The following TGFBRAP1 variants were observed in gnomAD, a reference collection of about 807,000 sequenced individuals.
TGFBRAP1 encodes transforming growth factor-beta receptor-associated protein 1.
A neutral mutation model predicts 83.2 loss-of-function variants in TGFBRAP1; 20 were observed. The ratio of observed to expected loss-of-function variants is 0.24; its 90% confidence interval spans 0.17 to 0.35. The LOEUF (loss-of-function observed/expected upper bound fraction) is 0.35, where lower values mean the gene tolerates loss of function less well. Among genes scored for constraint, TGFBRAP1 ranks in the 10% least tolerant of loss-of-function variants. TGFBRAP1 has a pLI of 1.00. For synonymous variants in TGFBRAP1, 415 were observed against 459.8 expected, an observed-to-expected ratio of 0.90 and a Z score of 1.25; for missense variants, 950 against 1,099.4, an observed-to-expected ratio of 0.86 and a Z score of 1.92.
intron 4 of TGFBRAP1, among the ~76,000 whole-genome samples, chr2:105,292,662 G>GGGGGAGAGGGAGAAGGAA (rs1677952263): frequency 6.6e-6 from 1 of 151,828 alleles, no homozygotes; most frequent in South Asian, 2.1e-4. Flanking sequence ...GGGAGAAGGA[G>GGGGGAGAGGGAGAAGGAA]GGAGAGAGAG....
intron 1 of TGFBRAP1, among the ~76,000 whole-genome samples, chr2:105,313,896 C>T (rs182245923): frequency 6.6e-6 from 1 of 151,876 alleles, no homozygotes; most frequent in Non-Finnish European, 1.5e-5. Flanking sequence ...CCTTTTGAAA[C>T]AAGGAACAAG....
chr2:105,251,528 C>A, the TGFBRAP1 span, among the ~76,000 whole-genome samples: 1 of 145,974 alleles, frequency 6.9e-6, no homozygotes, highest in East Asian at 2.1e-4. Flanking sequence ...GGGGGGGGAT[C>A]AGCCCCCCGC....
intron 6 of TGFBRAP1, among the ~76,000 whole-genome samples, chr2:105,277,948 A>T (rs572838056): frequency 6.6e-4 from 101 of 152,318 alleles, no homozygotes; most frequent in African/African-American, 2.4e-3. Flanking sequence ...AGTCCCAGAT[A>T]CTTGGGGTGC....
In TGFBRAP1 at chr2:105,307,839, C is replaced by T. The variant is rs1678560920; in HGVS notation, c.463G>A (p.Glu155Lys). ...TCCTTGACGATCTGCACCCGGTCCTCGTACACCAGAAACATCTGGATGGTT... is the reference window on the plus strand; with the variant it reads ...TCCTTGACGATCTGCACCCGGTCCTTGTACACCAGAAACATCTGGATGGTT... ...RRTIQMFLVY[E>K]DRVQIVKEVS... Residue 155 changes from glutamate (E) to lysine (K), a missense_variant, in exon 2 of 12, where the codon GAG (glutamate) becomes AAG (lysine). By Grantham distance (56) the Glu-to-Lys change is moderately conservative (BLOSUM62 1). Coordinates refer to ENST00000393359, the MANE Select transcript of TGFBRAP1 (RefSeq NM_004257.6). The T allele has an allele frequency of 1.2e-6, 2 of 1,614,090 alleles. No individual in the cohort carries two copies. The highest frequency in any genetic ancestry group is 1.7e-5 in the Admixed American group (1 of 60,006).
rs776532746 is a variant in TGFBRAP1 at position 105,307,859 on chromosome 2, A to G, written c.443T>C (p.Ile148Thr). The G allele has an allele frequency of 6.2e-7, 1 of 1,614,174 alleles. No homozygotes were observed. The highest frequency in any genetic ancestry group is 8.5e-7 in the Non-Finnish European group (1 of 1,180,026). ...VCIISVKRRTIQMFLVYEDRV... is the reference protein window; with the variant it reads ...VCIISVKRRTTQMFLVYEDRV... ...GTCCTCGTACACCAGAAACATCTGG[A>G]TGGTTCTGCGTTTGACAGAGATGAT... The change falls in exon 2 of 12, where the codon ATC (isoleucine) becomes ACC (threonine). Residue 148 changes from isoleucine to threonine, a missense_variant. Ile to Thr is a moderately conservative substitution (Grantham distance 89, BLOSUM62 -1). Coordinates refer to ENST00000393359, the MANE Select transcript of TGFBRAP1 (RefSeq NM_004257.6).
Position 105,270,469 on chromosome 2 carries a change from A to G in TGFBRAP1, c.1973-764T>C, listed in dbSNP as rs562268284. On this transcript the variant is annotated intron_variant, in intron 10 of 11. Transcript: ENST00000393359. ...ACCAGCCCTTATCTGCATTGCAATT[A>G]AACTCTGAGTCTCTAAGGACCAGAA... Among the ~76,000 whole-genome samples the G allele has an allele frequency of 6.6e-5, 10 of 152,332 alleles. No homozygotes were observed. The South Asian group carries it at 1.2e-3, about 19-fold the overall frequency.
intron 1 of TGFBRAP1, among the ~76,000 whole-genome samples, chr2:105,311,488 G>A (rs940349014): frequency 2.2e-4 from 34 of 152,158 alleles, no homozygotes; most frequent in African/African-American, 8.2e-4. Flanking sequence ...AGGAGGCTGA[G>A]GTAGGAGGGT....
intron 4 of TGFBRAP1, 60 bp downstream of exon 4, chr2:105,296,296 T>C: frequency 6.3e-7 from 1 of 1,598,784 alleles, no homozygotes; most frequent in Non-Finnish European, 8.5e-7. Flanking sequence ...GTTAGTTAAA[T>C]CTGAATGTCC....
chr2:105,328,094 C>A (rs1679272876), intron 1 of TGFBRAP1, among the ~76,000 whole-genome samples: 1 of 152,194 alleles, frequency 6.6e-6, no homozygotes. Flanking sequence ...GGATCCTTTC[C>A]AGGCACAATT....
rs565173483 is a variant in TGFBRAP1, at chr2:105,316,341, A to C, written c.-17-8023T>G. ...ACTGTATGCAAATTATGTTTTTTACAAAAAAAAAAAAAATTCCCCTACCTG... is the reference window on the plus strand; with the variant it reads ...ACTGTATGCAAATTATGTTTTTTACCAAAAAAAAAAAAATTCCCCTACCTG... On this transcript the variant is annotated intron_variant, in intron 1 of 11. Transcript: ENST00000393359. 3.1e-5 allele frequency among the ~76,000 whole-genome samples: 4 copies of C among 129,396 alleles called. No homozygotes were observed. The East Asian group carries it at 6.2e-4, about 20-fold the overall frequency. The allele number at this position is 129,396 out of a possible 152,430, so 84.9% of individuals were successfully genotyped here. A position where few individuals can be genotyped will look rare whatever the true frequency, so the allele number is the denominator to read the frequency against.
chr2:105,320,978 G>A (rs1679040113), intron 1 of TGFBRAP1, among the ~76,000 whole-genome samples: 1 of 152,194 alleles, frequency 6.6e-6, no homozygotes, highest in Admixed American at 6.5e-5. Flanking sequence ...CATATGAAAA[G>A]TAGCAACGTC....
chr2:105,270,729 C>T (rs1164713502), intron 10 of TGFBRAP1, among the ~76,000 whole-genome samples: 4 of 152,350 alleles, frequency 2.6e-5, no homozygotes, highest in African/African-American at 4.8e-5. Flanking sequence ...AGCCACAATA[C>T]GCAACGCCTT....
chr2:105,264,723 A>G lies in TGFBRAP1; in HGVS notation c.*2660T>C, dbSNP rs1676863796. 1 of 152,234 alleles carries G rather than the reference A, an allele frequency of 6.6e-6. No homozygotes were observed. Among genetic ancestry groups the G allele is most frequent in the South Asian group, 2.1e-4 (1 of 4,834 alleles). The allele number at this position is 152,234 out of a possible 1,614,324, so 9.4% of individuals were successfully genotyped here. A position where few individuals can be genotyped will look rare whatever the true frequency, so the allele number is the denominator to read the frequency against. ...AGTTGAACTCAGCCCAGTGCAACGCAGCCTGAGTGACATCCCTACATTAAT... is the reference window on the plus strand; with the variant it reads ...AGTTGAACTCAGCCCAGTGCAACGCGGCCTGAGTGACATCCCTACATTAAT... On this transcript the variant is annotated 3_prime_UTR_variant, in exon 12 of 12. Coordinates refer to ENST00000393359, the MANE Select transcript of TGFBRAP1 (RefSeq NM_004257.6).
Position 105,296,470 on chromosome 2 carries a change from C to T in TGFBRAP1, c.924G>A (p.Leu308=). 6.2e-7 allele frequency: 1 copy of T among 1,613,974 alleles called. No homozygotes were observed. The highest frequency in any genetic ancestry group is 8.5e-7 in the Non-Finnish European group (1 of 1,179,998). The change falls in exon 4 of 12, where the codon TTG becomes TTA. Residue 308 remains leucine, a synonymous_variant. Transcript: ENST00000393359. ...TTTGTTTTTCCAAAGGTAATGGAACCAAGATGTAAACTCCTTTACTTGTGG... is the reference window on the plus strand; with the variant it reads ...TTTGTTTTTCCAAAGGTAATGGAACTAAGATGTAAACTCCTTTACTTGTGG... The part of the protein sequence containing the change: ...IVATSKGVYI[L]VPLPLEKQIQ...
At chr2:105,316,450 TGTGTGTGTGTGTGCGC>T (rs1365106451) in intron 1 of TGFBRAP1, among the ~76,000 whole-genome samples, 2 of 76,222 alleles carry the variant, frequency 2.6e-5, no homozygotes, top group South Asian at 9.7e-4. Context: ...TGTGTGTGTG[TGTGTGTGTGTGTGCGC>T]GCGCGCGCGC....
the TGFBRAP1 span, among the ~76,000 whole-genome samples, chr2:105,258,229 G>C: frequency 6.6e-6 from 1 of 152,198 alleles, no homozygotes; most frequent in Non-Finnish European, 1.5e-5. Flanking sequence ...CAGACAGAAA[G>C]ATCCTTCCGT....
chr2:105,281,283 T>G (rs1020064), intron 5 of TGFBRAP1, among the ~76,000 whole-genome samples: 119,809 of 152,132 alleles, frequency 0.79, 47,323 homozygotes, highest in African/African-American at 0.82. Flanking sequence ...CCTAACATTG[T>G]AATGCAACAA....
chr2:105,267,880 A>G lies in TGFBRAP1; in HGVS notation c.2407-321T>C, dbSNP rs78241490. 17 of 985,460 alleles carry G rather than the reference A, an allele frequency of 1.7e-5. No individual in the cohort carries two copies. In the East Asian group the frequency reaches 1.9e-3, roughly 112 times the overall value. 61.0% of individuals were successfully genotyped at this position (985,460 alleles called of 1,614,324 possible). On this transcript the variant is annotated intron_variant, in intron 11 of 11. Transcript: ENST00000393359. ...ATCATTTCAAGCAAGGCCTGTTAGA[A>G]AGTCATGAATGTTAATGCTGAATGA...
chr2:105,287,129 G>C (rs1445823332), intron 4 of TGFBRAP1, among the ~76,000 whole-genome samples: 1 of 151,822 alleles, frequency 6.6e-6, no homozygotes, highest in Non-Finnish European at 1.5e-5. Context: ...CCCCGGATGC[G>C]AGGTCCCTAG....
Sources: gnomAD v4.1 joint callset for allele counts (sites outside exome capture counted in the v4.1 genomes callset) on GRCh38, gnomAD v4.1.1 for gene constraint, MANE v1.5 for transcripts, NCBI Gene and HGNC (gene_info 2026-07-23, HGNC 2026-07-21) for gene names.